The following LDLRAD3 variants were observed in gnomAD, a reference collection of about 807,000 sequenced individuals.
LDLRAD3 encodes the protein low density lipoprotein receptor class A domain containing 3.
Under a neutral mutation model 29.4 loss-of-function variants are expected in LDLRAD3, and 20 were observed. The ratio of observed to expected loss-of-function variants is 0.68; its 90% CI spans 0.48 to 0.99. LDLRAD3 has a LOEUF of 0.99. Ranked by LOEUF, LDLRAD3 falls within the 50% of genes least tolerant of loss-of-function variation. LDLRAD3 has a pLI of 0.00. For missense variants in LDLRAD3, 420 were observed against 454.3 expected (o/e 0.92, Z 0.69); for synonymous variants, 157 against 192.7 (o/e 0.81, Z 1.53).
chr11:36,120,450 G>A (rs1350685702), intron 4 of LDLRAD3, among the ~76,000 whole-genome samples: 1 of 152,036 alleles, frequency 6.6e-6, no homozygotes, highest in Admixed American at 6.6e-5. Context: ...GCACTCTCCT[G>A]AGCACTTTAT....
chr11:36,140,494 T>C (rs550746781), intron 4 of LDLRAD3, among the ~76,000 whole-genome samples: 3 of 152,160 alleles, frequency 2.0e-5, no homozygotes, highest in Non-Finnish European at 4.4e-5. Flanking sequence ...AGTGGCACTA[T>C]CACGGTTCAC....
intron 1 of LDLRAD3, among the ~76,000 whole-genome samples, chr11:35,991,318 A>G (rs571611412): frequency 6.6e-6 from 1 of 152,314 alleles, no homozygotes; most frequent in East Asian, 1.9e-4. Context: ...ACCCAAAATG[A>G]GTCCTGTTAT....
chr11:36,229,955 G>A lies in LDLRAD3; in HGVS notation c.*558G>A, dbSNP rs1590373833. 1 of 152,768 alleles carries A rather than the reference G, an allele frequency of 6.5e-6. No individual in the cohort carries two copies. Among genetic ancestry groups the A allele is most frequent in the East Asian group, 1.9e-4 (1 of 5,208 alleles). 9.5% of individuals were successfully genotyped at this position (152,768 alleles called of 1,614,324 possible). Reference sequence around the variant, plus strand: ...GAGTCAGTGGCCAAAGAAAACTTTGGACGTGAGTAACACCCTTCAGCAGTC... The same window carrying A: ...GAGTCAGTGGCCAAAGAAAACTTTGAACGTGAGTAACACCCTTCAGCAGTC... On this transcript the variant is annotated 3_prime_UTR_variant, in exon 6 of 6. Transcript: ENST00000315571.
intron 4 of LDLRAD3, among the ~76,000 whole-genome samples, chr11:36,186,574 C>T (rs1854852729): frequency 6.6e-6 from 1 of 152,152 alleles, no homozygotes; most frequent in South Asian, 2.1e-4. Flanking sequence ...ATGTGAGTTA[C>T]TGAGCTAGGA....
At chr11:36,191,806 T>C (rs1018081872) in intron 4 of LDLRAD3, among the ~76,000 whole-genome samples, 8 of 151,858 alleles carry the variant, frequency 5.3e-5, no homozygotes, top group African/African-American at 1.9e-4. Context: ...CAAATCATAG[T>C]ATACCTGTGT....
At chr11:36,171,612 G>A (rs1175809957) in intron 4 of LDLRAD3, among the ~76,000 whole-genome samples, 2 of 152,098 alleles carry the variant, frequency 1.3e-5, no homozygotes, top group Non-Finnish European at 2.9e-5. Context: ...TGTTTGCTTT[G>A]TCAAAGGTCA....
chr11:36,115,046 T>C lies in LDLRAD3; in HGVS notation c.454+16585T>C, dbSNP rs1184680682. ...GCCTCTTCCGTGTCCAGAATACCCC[T>C]CTTGAGAGCTTCAGCCACCATGTGA... On this transcript the variant is annotated intron_variant, in intron 4 of 5. Coordinates refer to ENST00000315571, the MANE Select transcript of LDLRAD3 (RefSeq NM_174902.4). Among the ~76,000 whole-genome samples the C allele has an allele frequency of 8.5e-5, 13 of 152,264 alleles. No individual in the cohort carries two copies. In the Middle Eastern group the frequency reaches 0.01, roughly 120 times the overall value.
intron 4 of LDLRAD3, among the ~76,000 whole-genome samples, chr11:36,189,137 C>G (rs1854900941): frequency 1.3e-5 from 2 of 152,284 alleles, no homozygotes; most frequent in African/African-American, 2.4e-5. Flanking sequence ...TGTCTACTTG[C>G]AGAATTTGCA....
chr11:36,207,997 A>C (rs1855233603), intron 4 of LDLRAD3, among the ~76,000 whole-genome samples: 1 of 152,222 alleles, frequency 6.6e-6, no homozygotes. Flanking sequence ...GGTTATAAAT[A>C]AATCATTTCT....
chr11:36,089,837 C>T (rs890513276), intron 3 of LDLRAD3, among the ~76,000 whole-genome samples: 1 of 149,122 alleles, frequency 6.7e-6, no homozygotes, highest in Non-Finnish European at 1.5e-5. Context: ...GTCTCAAACT[C>T]CTAGCCCCGA....
intron 4 of LDLRAD3, among the ~76,000 whole-genome samples, chr11:36,126,442 G>A (rs1426556833): frequency 6.6e-6 from 1 of 152,146 alleles, no homozygotes; most frequent in Non-Finnish European, 1.5e-5. Context: ...GAGAGAGTAA[G>A]TTATCACCAA....
intron 3 of LDLRAD3, among the ~76,000 whole-genome samples, chr11:36,088,096 C>T (rs1853222358): frequency 1.3e-5 from 2 of 152,076 alleles, no homozygotes; most frequent in African/African-American, 4.8e-5. Context: ...CTCAAGCCAA[C>T]TGCTTGCCTT....
intron 1 of LDLRAD3, among the ~76,000 whole-genome samples, chr11:35,983,061 C>T (rs137886704): frequency 0.015 from 2,208 of 152,142 alleles, 50 homozygotes; most frequent in African/African-American, 0.048. Flanking sequence ...ACCATGTTGG[C>T]CAGGCTGGTC....
intron 1 of LDLRAD3, among the ~76,000 whole-genome samples, chr11:35,990,780 A>T (rs745553663): frequency 6.6e-6 from 1 of 152,278 alleles, no homozygotes; most frequent in Non-Finnish European, 1.5e-5. Flanking sequence ...TGTTATAAGG[A>T]TACCACTCAT....
At chr11:36,156,033 C>T (rs993428986) in intron 4 of LDLRAD3, among the ~76,000 whole-genome samples, 5 of 152,188 alleles carry the variant, frequency 3.3e-5, no homozygotes, top group Non-Finnish European at 7.3e-5. Context: ...ATCCTAGTTG[C>T]ACATTAGAAT....
chr11:36,186,492 T>C (rs1854850999), intron 4 of LDLRAD3, among the ~76,000 whole-genome samples: 1 of 152,216 alleles, frequency 6.6e-6, no homozygotes, highest in Admixed American at 6.5e-5. Context: ...CAAAAATCTT[T>C]TCAGGCCAGT....
At chr11:36,176,133 G>A (rs1330894783) in intron 4 of LDLRAD3, among the ~76,000 whole-genome samples, 1 of 151,954 alleles carries the variant, frequency 6.6e-6, no homozygotes, top group East Asian at 1.9e-4. Context: ...CGCTTTTGTT[G>A]TCCATTTGCA....
chr11:36,103,651 G>A (rs868375135), intron 4 of LDLRAD3, among the ~76,000 whole-genome samples: 6 of 152,286 alleles, frequency 3.9e-5, no homozygotes, highest in South Asian at 2.1e-4. Context: ...TAGGCGTGCC[G>A]AAGGTTTGGG....
At chr11:36,158,525 C>CTTT (rs61352747) in intron 4 of LDLRAD3, among the ~76,000 whole-genome samples, 30,341 of 106,530 alleles carry the variant, frequency 0.28, 5,197 homozygotes, top group Non-Finnish European at 0.37. Flanking sequence ...ATGTTCTGGG[C>CTTT]TTTTTTTTTT....
Sources: gnomAD v4.1 joint callset for allele counts (sites outside exome capture counted in the v4.1 genomes callset) on GRCh38, gnomAD v4.1.1 for gene constraint, MANE v1.5 for transcripts, NCBI Gene and HGNC (gene_info 2026-07-23, HGNC 2026-07-21) for gene names.